BRD3: variants seen among roughly 807,000 people sequenced by gnomAD.
BRD3 encodes the protein bromodomain-containing protein 3.
BRD3 carries 17 observed loss-of-function variants against 66.8 expected under a neutral mutation model. The observed-to-expected ratio is 0.25, with a 90% CI of 0.17 to 0.38. The LOEUF (loss-of-function observed/expected upper bound fraction) is 0.38, where lower values mean the gene tolerates loss of function less well. Among genes scored for constraint, BRD3 ranks in the 10% least tolerant of loss-of-function variants. The pLI, the probability that BRD3 is intolerant of heterozygous loss-of-function variation, is 1.00. For missense variants in BRD3, 713 were observed against 956.1 expected (o/e 0.75, Z 3.35); for synonymous variants, 421 against 393.2 (o/e 1.07, Z -0.84).
rs773805113 is a variant in BRD3, at chr9:134,048,245, C to A, written c.924G>T (p.Leu308=). 1.2e-6 allele frequency: 2 copies of A among 1,611,940 alleles called. No individual in the cohort carries two copies. Among genetic ancestry groups the A allele is most frequent in the East Asian group, 2.2e-5 (1 of 44,858 alleles). Residue 308 remains leucine (L), a synonymous_variant, in exon 6 of 12, where the codon CTG becomes CTT. Coordinates refer to ENST00000303407, the MANE Select transcript of BRD3 (RefSeq NM_007371.4). Reference sequence around the variant, plus strand: ...TGTCGCAGTAGCGTAGGTGCTCCGACAGCTTGCCCTTCTTGCCTGCGTGCT... The same window carrying A: ...TGTCGCAGTAGCGTAGGTGCTCCGAAAGCTTGCCCTTCTTGCCTGCGTGCT... ...VPQHAGKKGK[L]SEHLRYCDSI...
rs1830219446 is a variant in BRD3 at position 134,048,320 on chromosome 9, G to A, written c.849C>T (p.Gly283=). The A allele has an allele frequency of 6.2e-7, 1 of 1,600,066 alleles. No individual in the cohort carries two copies. The highest frequency in any genetic ancestry group is 8.5e-7 in the Non-Finnish European group (1 of 1,178,984). Residue 283 remains glycine (G), a synonymous_variant, in exon 6 of 12, where the codon GGC becomes GGT. Transcript: ENST00000303407. The part of the protein sequence containing the change: ...AKVVARRESG[G]RPIKPPKKDL... ...CCTTCTTGGGAGGCTTGATGGGGCG[G>A]CCACCACTCTCCCGCCGGGCCACCA...
At chr9:134,049,514 C>T (rs1047124636) in intron 5 of BRD3, among the ~76,000 whole-genome samples, 6 of 152,236 alleles carry the variant, frequency 3.9e-5, no homozygotes, top group African/African-American at 7.2e-5. Context: ...AGGCGCGTGC[C>T]GCACAGGGCG....
At chr9:134,036,609 A>G (rs1444255227) in intron 9 of BRD3, 2 of 1,577,220 alleles carry the variant, frequency 1.3e-6, no homozygotes, top group African/African-American at 2.7e-5. Context: ...CAGGTAATCC[A>G]AAAGAAGGCA....
intron 2 of BRD3, 94 bp downstream of exon 2, chr9:134,053,171 G>A (rs2132432118): frequency 7.1e-7 from 1 of 1,408,896 alleles, no homozygotes; most frequent in East Asian, 2.3e-5. Context: ...AATTCCCAAG[G>A]CCAGAGGCAG....
At chr9:134,049,821 A>G (rs1830252557) in intron 5 of BRD3, among the ~76,000 whole-genome samples, 1 of 152,216 alleles carries the variant, frequency 6.6e-6, no homozygotes, top group Non-Finnish European at 1.5e-5. Flanking sequence ...TGCCCAAAGC[A>G]GGAGACTCAC....
intron 1 of BRD3, among the ~76,000 whole-genome samples, chr9:134,059,375 C>A (rs117825752): frequency 0.031 from 4,653 of 152,262 alleles, 83 homozygotes; most frequent in Non-Finnish European, 0.048. Flanking sequence ...GGGAATAAGC[C>A]GACGGGACTC....
At chr9:134,041,169 A>T (rs1206517048) in intron 8 of BRD3, among the ~76,000 whole-genome samples, 1 of 152,074 alleles carries the variant, frequency 6.6e-6, no homozygotes, top group African/African-American at 2.4e-5. Flanking sequence ...ATTTTCTCCC[A>T]ATCTGGGGTC....
At chr9:134,043,208 T>C (rs1175615123) in intron 7 of BRD3, among the ~76,000 whole-genome samples, 1 of 151,960 alleles carries the variant, frequency 6.6e-6, no homozygotes, top group Non-Finnish European at 1.5e-5. Flanking sequence ...TGAGCTCAAG[T>C]GATCCTCCCA....
chr9:134,041,737 C>A, intron 8 of BRD3, 23 bp downstream of exon 8: 1 of 1,605,032 alleles, frequency 6.2e-7, no homozygotes, highest in Non-Finnish European at 8.5e-7. Flanking sequence ...CCCTGAACCC[C>A]ACCCAAGCAT....
chr9:134,051,871 G>GT (rs1564555774), intron 3 of BRD3, among the ~76,000 whole-genome samples, 162 bp from the exon 4 acceptor site: 6 of 110,542 alleles, frequency 5.4e-5, no homozygotes, highest in African/African-American at 2.1e-4. Flanking sequence ...GTGTGTGTGT[G>GT]TGTGTGTTGT....
intron 7 of BRD3, among the ~76,000 whole-genome samples, chr9:134,043,626 G>C (rs948145755): frequency 2.0e-5 from 3 of 152,222 alleles, no homozygotes; most frequent in East Asian, 1.9e-4. Flanking sequence ...TGCAGGTCAG[G>C]TCGTTTTGCT....
chr9:134,047,409 AG>A (rs1830195336), intron 6 of BRD3, among the ~76,000 whole-genome samples: 1 of 152,194 alleles, frequency 6.6e-6, no homozygotes, highest in South Asian at 2.1e-4. Context: ...AAAGGTGCTC[AG>A]GGAAGACCCG....
chr9:134,040,334 C>A lies in BRD3; in HGVS notation c.1408-65G>T, dbSNP rs558924428. On this transcript the variant is annotated intron_variant, in intron 8 of 11. Transcript: ENST00000303407. ...CCCACACCACTGGGGCTGCGTGGCG[C>A]CCTGGGATTGGAGGGGGCTTGGGGC... 5.2e-6 allele frequency: 8 copies of A among 1,530,198 alleles called. 1 individual carries two copies. The South Asian group carries it at 7.2e-5, about 14-fold the overall frequency. The allele number at this position is 1,530,198 out of a possible 1,614,324, so 94.8% of individuals were successfully genotyped here.
At chr9:134,036,529 C>T (rs1433620328) in intron 9 of BRD3, 1 of 1,607,170 alleles carries the variant, frequency 6.2e-7, no homozygotes, top group Admixed American at 1.7e-5. Flanking sequence ...GAAACAATTA[C>T]AGAGGTTCGT....
At chr9:134,064,781 G>A (rs564685694) in intron 1 of BRD3, among the ~76,000 whole-genome samples, 4 of 152,322 alleles carry the variant, frequency 2.6e-5, no homozygotes, top group Admixed American at 6.5e-5. Context: ...AGGGAGGCCC[G>A]GGCACAGGGG....
In BRD3 at chr9:134,045,416, C is replaced by T. The variant is rs369613500; in HGVS notation, c.1092G>A (p.Lys364=). ...HPMDLSTVKR[K]MDGREYPDAQ... The stretch of plus-strand genomic sequence containing the variant: ...CGTCTGGGTACTCTCGGCCATCCAT[C>T]TTCCTCTGCAACACACAGTGACAGG... Residue 364 remains lysine (K), a synonymous_variant, in exon 7 of 12, where the codon AAG becomes AAA. Transcript: ENST00000303407. This position sits in a 1 kb window ranked among gnomAD's most constrained non-coding sequence, Gnocchi z 4.8. 1.2e-6 allele frequency: 2 copies of T among 1,613,414 alleles called. No homozygotes were observed. The highest frequency in any genetic ancestry group is 2.7e-5 in the African/African-American group (2 of 74,942).
chr9:134,047,531 C>T (rs1003454563), intron 6 of BRD3, among the ~76,000 whole-genome samples: 1 of 152,206 alleles, frequency 6.6e-6, no homozygotes, highest in Non-Finnish European at 1.5e-5. Context: ...AGAGCCCAGG[C>T]AGAGGCTGCC....
intron 1 of BRD3, among the ~76,000 whole-genome samples, chr9:134,062,037 G>A (rs375869607): frequency 3.1e-4 from 47 of 152,348 alleles, no homozygotes; most frequent in African/African-American, 1.1e-3. Context: ...TCAGGGCAGG[G>A]CTGCCTTCAG....
chr9:134,054,481 C>T (rs1027761098), intron 1 of BRD3: 2 of 152,394 alleles, frequency 1.3e-5, no homozygotes, highest in Non-Finnish European at 2.9e-5. Context: ...GGCCCCGTGT[C>T]TACCTGTAAA....
Sources: allele counts gnomAD v4.1 joint callset (sites outside exome capture counted in the v4.1 genomes callset), GRCh38; gene constraint gnomAD v4.1.1; non-coding constraint Gnocchi (gnomAD v3.1); transcripts MANE v1.5; gene names NCBI Gene and HGNC (gene_info 2026-07-23, HGNC 2026-07-21).